ANKRD18B: variants seen among roughly 807,000 people sequenced by gnomAD.
ANKRD18B encodes ankyrin repeat domain-containing protein 18B.
In ANKRD18B, 75 loss-of-function variants were observed where a neutral mutation model predicts 111.8. The ratio of observed to expected loss-of-function variants is 0.67; its 90% CI spans 0.56 to 0.81. ANKRD18B has a LOEUF of 0.81. ANKRD18B is among the 40% of genes least tolerant of loss of function. The pLI, the probability that ANKRD18B is intolerant of heterozygous loss-of-function variation, is 0.00. For synonymous variants in ANKRD18B, 356 were observed against 417.3 expected (o/e 0.85, Z 1.79); for missense variants, 1,038 against 1,225.5 (o/e 0.85, Z 2.28).
chr9:33,535,368 C>T (rs1434787788), intron 5 of ANKRD18B, among the ~76,000 whole-genome samples: 2 of 152,234 alleles, frequency 1.3e-5, no homozygotes, highest in Non-Finnish European at 1.5e-5. Flanking sequence ...TCACTGCAAG[C>T]TCCCCCTCCT....
chr9:33,574,813 A>G (rs1828837631), downstream of ANKRD18B, among the ~76,000 whole-genome samples: 1 of 152,182 alleles, frequency 6.6e-6, no homozygotes, highest in Non-Finnish European at 1.5e-5. Context: ...GATAGAGGAC[A>G]CTGACTCTGG....
At chr9:33,553,259 G>A (rs145510484) in intron 12 of ANKRD18B, among the ~76,000 whole-genome samples, 4 of 151,958 alleles carry the variant, frequency 2.6e-5, no homozygotes, top group Middle Eastern at 3.4e-3. Context: ...TCCCAGCTAC[G>A]TTGGAGGCTG....
intron 1 of ANKRD18B, among the ~76,000 whole-genome samples, chr9:33,524,903 G>A (rs1389632297): frequency 6.6e-6 from 1 of 152,250 alleles, no homozygotes; most frequent in African/African-American, 2.4e-5. Context: ...GCATATCTAC[G>A]TTTAAAACAT....
At chr9:33,550,692 A>G in intron 12 of ANKRD18B, 113 bp downstream of exon 12, 10 of 1,076,602 alleles carry the variant, frequency 9.3e-6, no homozygotes, top group Non-Finnish European at 8.6e-6. Flanking sequence ...TATTTTCATT[A>G]TAATTGATCA....
At chr9:33,552,350 C>T (rs1724560456) in intron 12 of ANKRD18B, among the ~76,000 whole-genome samples, 1 of 152,182 alleles carries the variant, frequency 6.6e-6, no homozygotes, top group African/African-American at 2.4e-5. Context: ...CTGAATAGTT[C>T]TGGCTGCAGC....
chr9:33,541,829 T>A (rs1828283634), intron 9 of ANKRD18B, among the ~76,000 whole-genome samples: 1 of 152,246 alleles, frequency 6.6e-6, no homozygotes, highest in Non-Finnish European at 1.5e-5. Context: ...TTGGTTTATA[T>A]AAGGCTTTCA....
chr9:33,541,103 A>T (rs770786333), intron 8 of ANKRD18B, 44 bp from the exon 9 acceptor site: 2 of 1,536,972 alleles, frequency 1.3e-6, no homozygotes, highest in Admixed American at 4.2e-5. Flanking sequence ...CAGAGGGATG[A>T]TGTTTTCCAG....
At chr9:33,541,258 C>G (rs1334512268) in intron 9 of ANKRD18B, 31 bp downstream of exon 9, 11 of 1,528,160 alleles carry the variant, frequency 7.2e-6, no homozygotes, top group Non-Finnish European at 9.6e-6. Flanking sequence ...TACTCTTAAC[C>G]ATGTAAAGAG....
At chr9:33,527,123 T>G (rs943361013) in intron 1 of ANKRD18B, among the ~76,000 whole-genome samples, 2 of 152,178 alleles carry the variant, frequency 1.3e-5, no homozygotes, top group African/African-American at 4.8e-5. Flanking sequence ...GCAAAAGCAT[T>G]TCTGAAGGTA....
chr9:33,529,122 A>G lies in ANKRD18B; in HGVS notation c.444A>G (p.Ser148=), dbSNP rs768601484. Reference sequence around the variant, plus strand: ...ATGCCGTGTATAATGAGGGGACTTCACTGGCAGAAAGACTGCTTTCCCACC... The same window carrying G: ...ATGCCGTGTATAATGAGGGGACTTCGCTGGCAGAAAGACTGCTTTCCCACC... The part of the protein sequence containing the change: ...LHYAVYNEGT[S]LAERLLSHHA... The change falls in exon 3 of 19, where the codon TCA becomes TCG. Residue 148 remains serine (S), a synonymous_variant. Coordinates refer to ENST00000684830, the MANE Select transcript of ANKRD18B (RefSeq NM_001393611.1). 2.5e-5 allele frequency: 40 copies of G among 1,611,876 alleles called. No homozygotes were observed. The highest frequency in any genetic ancestry group is 2.2e-4 in the Middle Eastern group (1 of 4,462).
In ANKRD18B at chr9:33,572,747, G is replaced by T; in HGVS notation, c.*313G>T. 2 of 1,012,536 alleles carry T rather than the reference G, an allele frequency of 2.0e-6. No individual in the cohort carries two copies. The highest frequency in any genetic ancestry group is 2.4e-6 in the Non-Finnish European group (2 of 845,086). 62.7% of individuals were successfully genotyped at this position (1,012,536 alleles called of 1,614,324 possible). ...TTTACACTTTTTATTACCATATATA[G>T]TAGGAGACTTAAAGAGTATCTGCCA... On this transcript the variant is annotated 3_prime_UTR_variant, in exon 19 of 19. Transcript: ENST00000684830.
intron 1 of ANKRD18B, 94 bp from the exon 2 acceptor site, chr9:33,528,633 G>C (rs1191579796): frequency 3.0e-6 from 3 of 1,009,338 alleles, no homozygotes; most frequent in Non-Finnish European, 4.3e-6. Context: ...TGAAGGCAGA[G>C]GAATAATGCC....
Position 33,548,720 on chromosome 9 carries a change from C to T in ANKRD18B, c.1932C>T (p.Val644=), listed in dbSNP as rs532761434. 4.1e-5 allele frequency: 63 copies of T among 1,550,734 alleles called. No individual in the cohort carries two copies. The highest frequency in any genetic ancestry group is 5.4e-5 in the Non-Finnish European group (62 of 1,146,560). ...ARKEGDNKEI[V]INIHRDCLEN... ...AGGAAGGTGATAATAAAGAGATAGT[C>T]ATTAATATCCACAGAGACTGTCTTG... is the stretch of plus-strand genomic sequence containing the variant. Residue 644 remains valine (V), a synonymous_variant, in exon 11 of 19, where the codon GTC becomes GTT. Transcript: ENST00000684830.
chr9:33,528,310 A>G (rs1828056420), intron 1 of ANKRD18B, among the ~76,000 whole-genome samples: 1 of 152,248 alleles, frequency 6.6e-6, no homozygotes, highest in Admixed American at 6.5e-5. Context: ...CAACAAACAA[A>G]AGTCTAACAG....
chr9:33,545,834 G>A (rs1212249242), intron 10 of ANKRD18B, among the ~76,000 whole-genome samples: 2 of 152,120 alleles, frequency 1.3e-5, no homozygotes, highest in South Asian at 2.1e-4. Flanking sequence ...TATCTGATCC[G>A]TTCTGGTTTT....
rs569760771 is a variant in ANKRD18B, at chr9:33,536,949, A to G, written c.808+4A>G. 3.4e-5 allele frequency: 50 copies of G among 1,474,056 alleles called. No homozygotes were observed. In the African/African-American group the frequency reaches 6.7e-4, roughly 20 times the overall value. 91.3% of individuals were successfully genotyped at this position (1,474,056 alleles called of 1,614,324 possible). On this transcript the variant is annotated splice_donor_region_variant and intron_variant, in intron 6 of 18. Transcript: ENST00000684830. ...CATCTTCGAAATGACAATCAAGGTA[A>G]GACTTCTGATAGTAAATTTCTCATT...
chr9:33,565,847 T>G (rs757474805), intron 14 of ANKRD18B, among the ~76,000 whole-genome samples: 32 of 152,204 alleles, frequency 2.1e-4, no homozygotes, highest in Non-Finnish European at 3.8e-4. Flanking sequence ...CTCAATATGA[T>G]ATCTCTGAAA....
In ANKRD18B at chr9:33,548,697, G is replaced by A. The variant is rs1164296662; in HGVS notation, c.1909G>A (p.Glu637Lys). The A allele has an allele frequency of 1.3e-6, 2 of 1,551,136 alleles. No individual in the cohort carries two copies. Residue 637 changes from glutamate to lysine, a missense_variant, in exon 11 of 19, where the codon GAA (glutamate) becomes AAA (lysine). Coordinates refer to ENST00000684830, the MANE Select transcript of ANKRD18B (RefSeq NM_001393611.1). ...LERQLEDARK[E>K]GDNKEIVINI... ...ACGACAACTAGAGGATGCTCGTAAG[G>A]AAGGTGATAATAAAGAGATAGTCAT...
At chr9:33,561,784 G>GT (rs1279748425) in intron 14 of ANKRD18B, among the ~76,000 whole-genome samples, 2 of 151,920 alleles carry the variant, frequency 1.3e-5, no homozygotes, top group African/African-American at 2.4e-5. Flanking sequence ...TTCCCATTCT[G>GT]TTTTTTTGTT....
Sources: allele counts gnomAD v4.1 joint callset (sites outside exome capture counted in the v4.1 genomes callset), GRCh38; gene constraint gnomAD v4.1.1; transcripts MANE v1.5; gene names NCBI Gene and HGNC (gene_info 2026-07-23, HGNC 2026-07-21).